The following TLE1 variants were observed in gnomAD, a reference collection of about 807,000 sequenced individuals.
TLE1 encodes transducin-like enhancer protein 1.
TLE1 carries 21 observed loss-of-function variants against 89.8 expected under a neutral mutation model. The ratio of observed to expected loss-of-function variants is 0.23; its 90% CI spans 0.17 to 0.34. The LOEUF (loss-of-function observed/expected upper bound fraction) is 0.34. Ranked by LOEUF, TLE1 falls within the 10% of genes least tolerant of loss-of-function variation. TLE1 has a pLI of 1.00. For synonymous variants in TLE1, 447 were observed against 407.6 expected (o/e 1.10, Z -1.16); for missense variants, 795 against 1,031.2 (o/e 0.77, Z 3.14).
At chr9:81,684,909 TTCTTC>T (rs1399916472) in intron 4 of TLE1, among the ~76,000 whole-genome samples, 1 of 152,230 alleles carries the variant, frequency 6.6e-6, no homozygotes, top group Admixed American at 6.5e-5. Flanking sequence ...CATTTAGCTT[TTCTTC>T]TCTTATGAGG....
intron 14 of TLE1, among the ~76,000 whole-genome samples, chr9:81,607,926 C>A (rs1831903589): frequency 6.6e-6 from 1 of 152,174 alleles, no homozygotes; most frequent in African/African-American, 2.4e-5. Flanking sequence ...AACCTCATTT[C>A]ATAATGAATC....
At chr9:81,618,423 C>T (rs1018839551) in intron 9 of TLE1, among the ~76,000 whole-genome samples, 1 of 152,092 alleles carries the variant, frequency 6.6e-6, no homozygotes, top group African/African-American at 2.4e-5. Flanking sequence ...ATACCCAGAG[C>T]ACTACACGTG....
chr9:81,648,925 T>C (rs1378322511), intron 6 of TLE1, among the ~76,000 whole-genome samples: 1 of 152,220 alleles, frequency 6.6e-6, no homozygotes, highest in Non-Finnish European at 1.5e-5. Flanking sequence ...AAGGCCTAAG[T>C]GAGCTGTGTG....
rs1194582179 is a variant in TLE1 at position 81,616,714 on chromosome 9, C to T, written c.712-15G>A. 3.7e-6 allele frequency: 6 copies of T among 1,613,794 alleles called. No individual in the cohort carries two copies. Among genetic ancestry groups the T allele is most frequent in the African/African-American group, 2.7e-5 (2 of 74,916 alleles). ...CCATCACTGTCCTGGAAAAAAGAAA[C>T]ATTAACGCCATTTACTAAAAGCTAA... On this transcript the variant is annotated splice_polypyrimidine_tract_variant and intron_variant, in intron 9 of 19. Coordinates refer to ENST00000376499, the MANE Select transcript of TLE1 (RefSeq NM_005077.5).
chr9:81,624,592 T>C (rs1226427280), intron 8 of TLE1, among the ~76,000 whole-genome samples: 2 of 152,210 alleles, frequency 1.3e-5, no homozygotes, highest in Non-Finnish European at 2.9e-5. Context: ...AGAACCAGTG[T>C]TACTATCCTG....
At chr9:81,597,013 G>A (rs1009916923) in intron 14 of TLE1, among the ~76,000 whole-genome samples, 3 of 152,188 alleles carry the variant, frequency 2.0e-5, no homozygotes, top group Admixed American at 1.3e-4. Context: ...AGGTCCACAG[G>A]CAAATCAAGT....
intron 8 of TLE1, 48 bp downstream of exon 8, chr9:81,633,289 GTGTGTGTGTGT>G (rs1826920556): frequency 2.6e-5 from 1 of 38,856 alleles, no homozygotes; most frequent in African/African-American, 1.7e-3. Context: ...GAAGGGGACC[GTGTGTGTGTGT>G]GTGTGTGTGT....
intron 4 of TLE1, among the ~76,000 whole-genome samples, chr9:81,671,359 A>C (rs1832199264): frequency 6.6e-6 from 1 of 151,888 alleles, no homozygotes; most frequent in Non-Finnish European, 1.5e-5. Flanking sequence ...ATTTAAGAAA[A>C]ATGAAGGCCG....
chr9:81,587,906 C>CTGTGTGTGTGTGTGTGTGTGT, intron 16 of TLE1, 78 bp from the exon 17 acceptor site: 2 of 545,622 alleles, frequency 3.7e-6, no homozygotes, highest in Non-Finnish European at 5.4e-6. Flanking sequence ...TAGTTTTGGA[C>CTGTGTGTGTGTGTGTGTGTGT]CGTGTGTGTG....
At chr9:81,669,995 G>A (rs1019798808) in intron 4 of TLE1, among the ~76,000 whole-genome samples, 1 of 152,064 alleles carries the variant, frequency 6.6e-6, no homozygotes, top group African/African-American at 2.4e-5. Flanking sequence ...GTTCCCAGAC[G>A]GGCTTTAAGA....
chr9:81,676,975 G>T (rs149876078), intron 4 of TLE1, among the ~76,000 whole-genome samples: 1 of 151,992 alleles, frequency 6.6e-6, no homozygotes, highest in African/African-American at 2.4e-5. Context: ...GGTGGCTCAC[G>T]CCTATAATCC....
At chr9:81,634,695 A>G (rs529904175) in intron 6 of TLE1, among the ~76,000 whole-genome samples, 1 of 152,212 alleles carries the variant, frequency 6.6e-6, no homozygotes, top group African/African-American at 2.4e-5. Context: ...GAGATCCAGC[A>G]TGTCACTCAA....
At chr9:81,676,274 TG>T (rs1832897464) in intron 4 of TLE1, among the ~76,000 whole-genome samples, 1 of 152,154 alleles carries the variant, frequency 6.6e-6, no homozygotes, top group Non-Finnish European at 1.5e-5. Context: ...GAAGGGTAGA[TG>T]GAAGTCCCTA....
intron 4 of TLE1, among the ~76,000 whole-genome samples, chr9:81,679,978 A>C (rs1447720870): frequency 6.6e-6 from 1 of 152,224 alleles, no homozygotes; most frequent in African/African-American, 2.4e-5. Context: ...GATTTATTTA[A>C]ATATTTACTA....
chr9:81,659,728 C>A (rs1241132346), intron 4 of TLE1, among the ~76,000 whole-genome samples: 1 of 152,146 alleles, frequency 6.6e-6, no homozygotes, highest in Non-Finnish European at 1.5e-5. Flanking sequence ...TGCATCTTGG[C>A]AAACTACTGC....
rs1834666809 is a variant in TLE1 at position 81,688,501 on chromosome 9, G to C, written c.-261C>G. ...GCCCAGCTGCTTCAAGAACCTGCGC[G>C]GAGACGTCGGGCGCTCGGGGACTGT... On this transcript the variant is annotated 5_prime_UTR_variant, in exon 1 of 20. Coordinates refer to ENST00000376499, the MANE Select transcript of TLE1 (RefSeq NM_005077.5). 1 of 389,884 alleles carries C rather than the reference G, an allele frequency of 2.6e-6. No homozygotes were observed. The allele number at this position is 389,884 out of a possible 1,614,324, so 24.2% of individuals were successfully genotyped here.
chr9:81,678,300 C>A (rs894967489), intron 4 of TLE1, among the ~76,000 whole-genome samples: 2 of 152,182 alleles, frequency 1.3e-5, no homozygotes, highest in Non-Finnish European at 2.9e-5. Context: ...CCTCCCCACT[C>A]CTGGGATCAA....
intron 4 of TLE1, among the ~76,000 whole-genome samples, chr9:81,665,532 C>T (rs1281638774): frequency 2.6e-5 from 4 of 152,072 alleles, no homozygotes; most frequent in African/African-American, 4.8e-5. Flanking sequence ...AAAAAAAAAC[C>T]GTGCTGAAGG....
chr9:81,615,726 AAAAG>A (rs1354265334), intron 11 of TLE1, among the ~76,000 whole-genome samples: 63 of 146,946 alleles, frequency 4.3e-4, no homozygotes, highest in South Asian at 1.5e-3. Flanking sequence ...AAAAAAAAAA[AAAAG>A]AAGAAGAAGA....
Sources: allele counts gnomAD v4.1 joint callset (sites outside exome capture counted in the v4.1 genomes callset), GRCh38; gene constraint gnomAD v4.1.1; transcripts MANE v1.5; gene names NCBI Gene and HGNC (gene_info 2026-07-23, HGNC 2026-07-21).